ITIH5: variants seen among roughly 807,000 people sequenced by gnomAD.
ITIH5 encodes inter-alpha-trypsin inhibitor heavy chain H5.
Under a neutral mutation model 77.5 loss-of-function variants are expected in ITIH5, and 65 were observed. That is an observed-to-expected ratio of 0.84 (90% CI 0.69 to 1.03). The LOEUF (loss-of-function observed/expected upper bound fraction) is 1.03. Among genes scored for constraint, ITIH5 ranks in the 50% least tolerant of loss-of-function variants. ITIH5 has a pLI of 0.00. For missense variants in ITIH5, 1,208 were observed against 1,213.1 expected (o/e 1.00, Z 0.06); for synonymous variants, 525 against 494.3 (o/e 1.06, Z -0.82).
intron 7 of ITIH5, among the ~76,000 whole-genome samples, chr10:7,614,533 G>A (rs115654802): frequency 0.045 from 6,795 of 152,102 alleles, 536 homozygotes; most frequent in African/African-American, 0.15. Context: ...TTTATGCATG[G>A]CTCAAGACAA....
chr10:7,562,927 C>A lies in ITIH5; in HGVS notation c.*156G>T, dbSNP rs899406609. ...CGCCCCTACCCACCCCTACCCTTCG[C>A]CCAGACAGACGTCGGATCTATGCTG... On this transcript the variant is annotated 3_prime_UTR_variant, in exon 14 of 14. Coordinates refer to ENST00000397146, the MANE Select transcript of ITIH5 (RefSeq NM_030569.7). 19 of 675,538 alleles carry A rather than the reference C, an allele frequency of 2.8e-5. No homozygotes were observed. The highest frequency in any genetic ancestry group is 2.7e-4 in the African/African-American group (15 of 56,212). The allele number at this position is 675,538 out of a possible 1,614,324, so 41.8% of individuals were successfully genotyped here.
chr10:7,571,881 G>A, intron 11 of ITIH5: 1 of 735,220 alleles, frequency 1.4e-6, no homozygotes, highest in Non-Finnish European at 1.7e-6. Context: ...TTTTTGATCT[G>A]TTGTTGGTTC....
At chr10:7,650,753 A>G (rs998057108) in intron 2 of ITIH5, among the ~76,000 whole-genome samples, 5 of 151,386 alleles carry the variant, frequency 3.3e-5, no homozygotes, top group African/African-American at 4.9e-5. Context: ...AAAAAAAAAT[A>G]CAGCCCATGT....
At chr10:7,596,376 G>T (rs1305301232) in intron 7 of ITIH5, among the ~76,000 whole-genome samples, 1 of 152,190 alleles carries the variant, frequency 6.6e-6, no homozygotes, top group Non-Finnish European at 1.5e-5. Flanking sequence ...GGGAAGTCAA[G>T]GGAGCCCACG....
chr10:7,644,434 T>C (rs1303576224), intron 2 of ITIH5, among the ~76,000 whole-genome samples: 3 of 144,552 alleles, frequency 2.1e-5, no homozygotes, highest in African/African-American at 2.5e-5. Flanking sequence ...ACATATATCA[T>C]ATATATCACA....
chr10:7,655,649 G>T lies in ITIH5; in HGVS notation c.117C>A (p.Val39=). 4 of 1,613,026 alleles carry T rather than the reference G, an allele frequency of 2.5e-6. No homozygotes were observed. Among genetic ancestry groups the T allele is most frequent in the South Asian group, 1.1e-5 (1 of 91,044 alleles). Reference sequence around the variant, plus strand: ...TACCTACCAGCCTCTGCAACAGTCTGACTTGCCTCGGGACCCTGAGTCCAT... The same window carrying T: ...TACCTACCAGCCTCTGCAACAGTCTTACTTGCCTCGGGACCCTGAGTCCAT... ...EQDGLRVPRQ[V]RLLQRLKTKP... Residue 39 remains valine, a synonymous_variant, in exon 2 of 14, where the codon GTC becomes GTA. Coordinates refer to ENST00000397146, the MANE Select transcript of ITIH5 (RefSeq NM_030569.7).
intron 2 of ITIH5, among the ~76,000 whole-genome samples, chr10:7,652,057 A>G (rs1182628913): frequency 6.6e-6 from 1 of 152,210 alleles, no homozygotes; most frequent in South Asian, 2.1e-4. Flanking sequence ...AAATGATGGC[A>G]GCGAATCCTC....
At chr10:7,573,942 T>C (rs145372859) in intron 10 of ITIH5, among the ~76,000 whole-genome samples, 1,722 of 152,296 alleles carry the variant, frequency 0.011, 17 homozygotes, top group South Asian at 0.034. Context: ...ACAGTGTGAA[T>C]ATACCTAACA....
At chr10:7,616,900 A>T (rs1287922243) in intron 6 of ITIH5, among the ~76,000 whole-genome samples, 1 of 152,218 alleles carries the variant, frequency 6.6e-6, no homozygotes, top group Non-Finnish European at 1.5e-5. Flanking sequence ...TTTATATTAC[A>T]GATTTCACTT....
intron 11 of ITIH5, 179 bp from the exon 12 acceptor site, chr10:7,569,963 G>A: frequency 5.8e-6 from 3 of 513,344 alleles, no homozygotes; most frequent in Non-Finnish European, 1.0e-5. Flanking sequence ...CAACTCCCCA[G>A]AATTACCCAG....
At chr10:7,587,050 G>C (rs886443612) in intron 7 of ITIH5, among the ~76,000 whole-genome samples, 8 of 152,032 alleles carry the variant, frequency 5.3e-5, no homozygotes, top group African/African-American at 1.9e-4. Flanking sequence ...GGGTGGTCTC[G>C]AACTCCTGAG....
chr10:7,635,772 T>C (rs1833789031), intron 5 of ITIH5, among the ~76,000 whole-genome samples: 1 of 152,168 alleles, frequency 6.6e-6, no homozygotes, highest in Non-Finnish European at 1.5e-5. Flanking sequence ...TTGGTTATTT[T>C]TGCATTATGT....
intron 5 of ITIH5, among the ~76,000 whole-genome samples, chr10:7,632,279 G>A (rs947992927): frequency 2.0e-5 from 3 of 152,150 alleles, no homozygotes; most frequent in Non-Finnish European, 2.9e-5. Context: ...GTGGATCAGC[G>A]GTTGCCTGGG....
chr10:7,658,147 A>G (rs2131111434), intron 1 of ITIH5, among the ~76,000 whole-genome samples: 1 of 152,352 alleles, frequency 6.6e-6, no homozygotes, highest in African/African-American at 2.4e-5. Context: ...TAGAATGTGC[A>G]TCAAAGTGCT....
At chr10:7,572,783 T>TTTTC (rs1832328489) in intron 11 of ITIH5, 1 of 155,296 alleles carries the variant, frequency 6.4e-6, no homozygotes, top group Admixed American at 6.6e-5. Flanking sequence ...TTTTTTTTTT[T>TTTTC]TTTTTTTTTT....
chr10:7,563,247 C>T lies in ITIH5; in HGVS notation c.2665G>A (p.Val889Ile). 4 of 1,614,234 alleles carry T rather than the reference C, an allele frequency of 2.5e-6. No individual in the cohort carries two copies. The South Asian group carries it at 4.4e-5, about 18-fold the overall frequency. The stretch of plus-strand genomic sequence containing the variant: ...TTGTAAATCTTCCTTTGCTTCCAGA[C>T]CACTGGGACTTGGTGGCCTTTCACT... The part of the protein sequence containing the change: ...LTVKGHQVPV[V>I]WKQRKIYNGE... Residue 889 changes from valine (V) to isoleucine (I), a missense_variant, in exon 14 of 14, where the codon GTC (valine) becomes ATC (isoleucine). By Grantham distance (29) the Val-to-Ile change is conservative. Transcript: ENST00000397146.
chr10:7,600,182 A>G (rs962897989), intron 7 of ITIH5, among the ~76,000 whole-genome samples: 1 of 152,190 alleles, frequency 6.6e-6, no homozygotes, highest in Non-Finnish European at 1.5e-5. Context: ...TGGCCTCAGA[A>G]CTAAGTTCTA....
chr10:7,567,487 C>T (rs950665172), intron 12 of ITIH5, among the ~76,000 whole-genome samples: 13 of 146,350 alleles, frequency 8.9e-5, no homozygotes, highest in Non-Finnish European at 1.8e-4. Flanking sequence ...ATCCCGCCCC[C>T]CTACCCTGAC....
In ITIH5 at chr10:7,563,056, G is replaced by A. The variant is rs1335565363; in HGVS notation, c.*27C>T. 1 of 1,604,986 alleles carries A rather than the reference G, an allele frequency of 6.2e-7. No individual in the cohort carries two copies. ...GCCTCCCCACATCACTGTCCTTCAT[G>A]CACTTGCATCTTTAAGGCTGCCAGC... On this transcript the variant is annotated 3_prime_UTR_variant, in exon 14 of 14. Coordinates refer to ENST00000397146, the MANE Select transcript of ITIH5 (RefSeq NM_030569.7).
Sources: allele counts gnomAD v4.1 joint callset (sites outside exome capture counted in the v4.1 genomes callset), GRCh38; gene constraint gnomAD v4.1.1; transcripts MANE v1.5; gene names NCBI Gene and HGNC (gene_info 2026-07-23, HGNC 2026-07-21).